APOB: variants seen among roughly 807,000 people sequenced by gnomAD.
APOB encodes apolipoprotein B-100.
APOB carries 153 observed loss-of-function variants against 314.1 expected under a neutral mutation model. The ratio of observed to expected loss-of-function variants is 0.49; its 90% CI spans 0.43 to 0.56. The LOEUF (loss-of-function observed/expected upper bound fraction) is 0.56, where lower values mean the gene tolerates loss of function less well. Among genes scored for constraint, APOB ranks in the 20% least tolerant of loss-of-function variants. APOB has a pLI of 0.00. For synonymous variants in APOB, 2,087 were observed against 2,036.4 expected (o/e 1.02, Z -0.67); for missense variants, 5,430 against 5,350.7 (o/e 1.01, Z -0.46).
In APOB at chr2:21,013,525, C is replaced by A. The variant is rs372154910; in HGVS notation, c.3851G>T (p.Arg1284Leu). 2 of 1,614,088 alleles carry A rather than the reference C, an allele frequency of 1.2e-6. No individual in the cohort carries two copies. Among genetic ancestry groups the A allele is most frequent in the Non-Finnish European group, 1.7e-6 (2 of 1,180,022 alleles). ...GTTCTTGTTCAAGGTATATTTGACC[C>A]GGCCATCGCTGAAATGAACAACAAA... is the stretch of plus-strand genomic sequence containing the variant. ...PENLFLKSDGRVKYTLNKNSL... is the reference protein window; with the variant it reads ...PENLFLKSDGLVKYTLNKNSL... Residue 1284 changes from arginine to leucine, a missense_variant, in exon 25 of 29, where the codon CGG (arginine) becomes CTG (leucine). Physicochemically the swap from Arg to Leu is moderately radical, Grantham distance 102. Coordinates refer to ENST00000233242, the MANE Select transcript of APOB (RefSeq NM_000384.3).
At chr2:21,038,595 C>T (rs1030158347) in intron 4 of APOB, among the ~76,000 whole-genome samples, 1 of 152,220 alleles carries the variant, frequency 6.6e-6, no homozygotes, top group African/African-American at 2.4e-5. Flanking sequence ...CTCGGCCTCC[C>T]AAAGTGCTGG....
chr2:21,028,120 T>A, intron 13 of APOB, 55 bp from the exon 14 acceptor site: 3 of 1,314,452 alleles, frequency 2.3e-6, no homozygotes, highest in Non-Finnish European at 3.3e-6. Context: ...ATCCTTTGAC[T>A]CTTGCACCCC....
At chr2:21,035,459 C>T (rs1023448551) in intron 7 of APOB, 125 bp downstream of exon 7, 19 of 1,266,966 alleles carry the variant, frequency 1.5e-5, no homozygotes, top group East Asian at 7.1e-5. Context: ...CAGGGAGGGG[C>T]GGCATTTTAT....
chr2:21,028,296 G>C, intron 13 of APOB, 31 bp downstream of exon 13: 1 of 1,565,972 alleles, frequency 6.4e-7, no homozygotes, highest in Non-Finnish European at 8.8e-7. Flanking sequence ...AGGGCCCTCA[G>C]TGGTATATGG....
At position 21,009,466 on chromosome 2, in the gene APOB, G is replaced by C; in HGVS notation, c.7402C>G (p.Leu2468Val). ...GTGGCCTTGGTTTCCTCTAAAAACA[G>C]TTTTAATGCTTCAGCTTTTTGTGGT... ...ELPQKAEALK[L>V]FLEETKATVA... The change falls in exon 26 of 29, where the codon CTG (leucine) becomes GTG (valine). Residue 2468 changes from leucine to valine, a missense_variant. This residue lies in a region of APOB where 3,281 missense variants were observed against 3,171.0 expected (regional missense o/e 1.03). Coordinates refer to ENST00000233242, the MANE Select transcript of APOB (RefSeq NM_000384.3). The C allele has an allele frequency of 6.2e-7, 1 of 1,614,084 alleles. No individual in the cohort carries two copies. Among genetic ancestry groups the C allele is most frequent in the Non-Finnish European group, 8.5e-7 (1 of 1,179,968 alleles).
chr2:21,003,206 G>T lies in APOB; in HGVS notation c.12216C>A (p.Asp4072Glu). ...GGACCCCTGTGGCCTTGGGCACGTTGTCTTTCAGAGAGGTTAGCAAGCCAG... is the reference window on the plus strand; with the variant it reads ...GGACCCCTGTGGCCTTGGGCACGTTTTCTTTCAGAGAGGTTAGCAAGCCAG... ...AASGLLTSLK[D>E]NVPKATGVLY... The change falls in exon 29 of 29, where the codon GAC (aspartate) becomes GAA (glutamate). Residue 4072 changes from aspartate to glutamate, a missense_variant. Coordinates refer to ENST00000233242, the MANE Select transcript of APOB (RefSeq NM_000384.3). The T allele has an allele frequency of 6.2e-7, 1 of 1,614,044 alleles. No individual in the cohort carries two copies.
chr2:21,043,817 G>C lies in APOB; in HGVS notation c.82+47C>G, dbSNP rs1255706198. 8 of 1,532,342 alleles carry C rather than the reference G, an allele frequency of 5.2e-6. No homozygotes were observed. In the African/African-American group the frequency reaches 5.5e-5, roughly 11 times the overall value. The allele number at this position is 1,532,342 out of a possible 1,614,324, so 94.9% of individuals were successfully genotyped here. ...CTGCCCCGGCCAACCTCGTGCCGCC[G>C]GCTCCCTCCCGCTCCCTCTGCGCCC... On this transcript the variant is annotated intron_variant, in intron 1 of 28. Coordinates refer to ENST00000233242, the MANE Select transcript of APOB (RefSeq NM_000384.3).
chr2:21,032,688 TA>T lies in APOB; in HGVS notation c.1125-108del, dbSNP rs1475586343. 3 of 744,084 alleles carry T rather than the reference TA, an allele frequency of 4.0e-6. No homozygotes were observed. In the African/African-American group the frequency reaches 9.3e-5, roughly 23 times the overall value. The allele number at this position is 744,084 out of a possible 1,614,324, so 46.1% of individuals were successfully genotyped here. ...GAGAGCCCTTAATCACCTCATTCAC[TA>T]TTCAAATCTAACTTCAAAACCCAAC... On this transcript the variant is annotated intron_variant, in intron 9 of 28. Transcript: ENST00000233242.
Position 21,033,527 on chromosome 2 carries a change from TGG to T in APOB, c.905-11_905-10del. ...GCCCATCTTCTTAGTACCTGGAAGA[TGG>T]AAAGTGTCAAAGGAACTCTAGCTTT... On this transcript the variant is annotated splice_polypyrimidine_tract_variant and intron_variant, in intron 8 of 28. Transcript: ENST00000233242. 1 of 1,610,290 alleles carries T rather than the reference TGG, an allele frequency of 6.2e-7. No homozygotes were observed. The highest frequency in any genetic ancestry group is 8.5e-7 in the Non-Finnish European group (1 of 1,176,528).
intron 18 of APOB, among the ~76,000 whole-genome samples, chr2:21,021,211 G>T (rs1361234103): frequency 1.3e-5 from 2 of 152,176 alleles, no homozygotes; most frequent in Non-Finnish European, 2.9e-5. Flanking sequence ...TTATTAAAAT[G>T]AAGGGCGCCT....
chr2:21,027,040 A>G (rs1663747044), intron 14 of APOB, 76 bp from the exon 15 acceptor site: 1 of 1,325,586 alleles, frequency 7.5e-7, no homozygotes, highest in Non-Finnish European at 1.1e-6. Context: ...CCCACTCTTG[A>G]TGTCCATTTA....
chr2:21,034,212 C>A (rs1663949004), intron 8 of APOB, among the ~76,000 whole-genome samples: 3 of 151,982 alleles, frequency 2.0e-5, no homozygotes, highest in South Asian at 4.2e-4. Context: ...ACTTATTTTC[C>A]CCCCTCTAAT....
chr2:21,016,354 T>C, intron 21 of APOB, 85 bp downstream of exon 21: 1 of 763,452 alleles, frequency 1.3e-6, no homozygotes, highest in Admixed American at 2.0e-5. Context: ...GAACATGGCT[T>C]GGTCAGGTAT....
chr2:21,025,854 T>G lies in APOB; in HGVS notation c.2245-730A>C, dbSNP rs535574630. On this transcript the variant is annotated intron_variant, in intron 15 of 28. Transcript: ENST00000233242. ...CTGTATTTCTGACCAGACCACACTT[T>G]GGGTAGCAAAAAATTCAAGAATAAG... Among the ~76,000 whole-genome samples the G allele has an allele frequency of 4.6e-5, 7 of 152,320 alleles. 1 individual carries two copies. Among genetic ancestry groups the G allele is most frequent in the African/African-American group, 1.7e-4 (7 of 41,572 alleles).
At position 21,005,411 on chromosome 2, in the gene APOB, C is replaced by G; in HGVS notation, c.11457G>C (p.Gln3819His). ...PFFEITVPESQLTVSQFTLPK... is the reference protein window; with the variant it reads ...PFFEITVPESHLTVSQFTLPK... ...GAAGCGTGAACTGGGACACAGTTAA[C>G]TGAGATTCAGGCACGGTTATCTCAA... Residue 3819 changes from glutamine (Q) to histidine (H), a missense_variant, in exon 26 of 29, where the codon CAG becomes CAC. Transcript: ENST00000233242. 1 of 1,614,046 alleles carries G rather than the reference C, an allele frequency of 6.2e-7. No individual in the cohort carries two copies. Among genetic ancestry groups the G allele is most frequent in the South Asian group, 1.1e-5 (1 of 91,080 alleles).
At position 21,029,622 on chromosome 2, in the gene APOB, C is replaced by G; in HGVS notation, c.1617+17G>C. 1 of 1,614,092 alleles carries G rather than the reference C, an allele frequency of 6.2e-7. No homozygotes were observed. Among genetic ancestry groups the G allele is most frequent in the Admixed American group, 1.7e-5 (1 of 60,030 alleles). ...TTAATAAACTTTCACTTTCAGACCTCTTCTTGTGGACTTTACCTTGTCTTT... is the reference window on the plus strand; with the variant it reads ...TTAATAAACTTTCACTTTCAGACCTGTTCTTGTGGACTTTACCTTGTCTTT... On this transcript the variant is annotated intron_variant, in intron 12 of 28. Coordinates refer to ENST00000233242, the MANE Select transcript of APOB (RefSeq NM_000384.3).
chr2:21,006,265 T>C lies in APOB; in HGVS notation c.10603A>G (p.Thr3535Ala). 1.2e-6 allele frequency: 2 copies of C among 1,614,084 alleles called. No individual in the cohort carries two copies. Among genetic ancestry groups the C allele is most frequent in the Non-Finnish European group, 1.7e-6 (2 of 1,179,970 alleles). Residue 3535 changes from threonine to alanine, a missense_variant, in exon 26 of 29, where the codon ACT (threonine) becomes GCT (alanine). Around this residue, in one of 3 missense-constraint regions of APOB, gnomAD observed 3,281 missense variants for 3,171.0 expected, o/e 1.03. Coordinates refer to ENST00000233242, the MANE Select transcript of APOB (RefSeq NM_000384.3). ...STRSSVKLQG[T>A]SKIDDIWNLE... ...TTCCAGATATCATCAATTTTGGAAG[T>C]GCCCTGCAGCTTCACTGAAGACCGT... is the stretch of plus-strand genomic sequence containing the variant.
chr2:21,027,721 G>T, intron 14 of APOB, 107 bp downstream of exon 14: 3 of 854,972 alleles, frequency 3.5e-6, no homozygotes, highest in Non-Finnish European at 6.0e-6. Context: ...GGTAGGAAGT[G>T]CCTGGTGGTT....
chr2:21,010,766 G>A lies in APOB; in HGVS notation c.6102C>T (p.Ile2034=), dbSNP rs2103357459. The A allele has an allele frequency of 1.2e-6, 2 of 1,614,112 alleles. No individual in the cohort carries two copies. Among genetic ancestry groups the A allele is most frequent in the South Asian group, 2.2e-5 (2 of 91,066 alleles). Residue 2034 remains isoleucine (I), a synonymous_variant, in exon 26 of 29, where the codon ATC becomes ATT. Transcript: ENST00000233242. Reference sequence around the variant, plus strand: ...TCATCTCTAAAGCATCAATGATATTGATGGGCTCACTGAGTAAAAGTGGCA... The same window carrying A: ...TCATCTCTAAAGCATCAATGATATTAATGGGCTCACTGAGTAAAAGTGGCA... ...IKVPLLLSEP[I]NIIDALEMRD...
Sources: allele counts gnomAD v4.1 joint callset (sites outside exome capture counted in the v4.1 genomes callset), GRCh38; gene constraint gnomAD v4.1.1; regional missense constraint gnomAD v4.1.1; transcripts MANE v1.5; gene names NCBI Gene and HGNC (gene_info 2026-07-23, HGNC 2026-07-21).